Variants in AMELX observed in about 807,000 individuals in gnomAD.
AMELX encodes amelogenin, X isoform.
Under a neutral mutation model 15.8 loss-of-function variants are expected in AMELX, and 9 were observed. The ratio of observed to expected loss-of-function variants is 0.57; its 90% CI spans 0.34 to 0.99. AMELX has a LOEUF of 0.99. Among genes scored for constraint, AMELX ranks in the 50% least tolerant of loss-of-function variants. The pLI is 0.02. For missense variants in AMELX, 107 were observed against 156.2 expected, an observed-to-expected ratio of 0.68 and a Z score of 1.68; for synonymous variants, 61 against 58.8, an observed-to-expected ratio of 1.04 and a Z score of -0.17.
In AMELX at chrX:11,298,662, G is replaced by T; in HGVS notation, c.259G>T (p.Val87Leu). ...HTLQPHHHIPVVPAQQPVIPQ... is the reference protein window; with the variant it reads ...HTLQPHHHIPLVPAQQPVIPQ... ...CCTGCAGCCTCATCACCACATCCCA[G>T]TGGTGCCAGCTCAGCAGCCCGTGAT... Residue 87 changes from valine (V) to leucine (L), a missense_variant, in exon 5 of 6, where the codon GTG becomes TTG. Transcript: ENST00000380714. The T allele has an allele frequency of 8.3e-7, 1 of 1,210,957 alleles. No individual in the cohort carries two copies. The highest frequency in any genetic ancestry group is 1.1e-6 in the Non-Finnish European group (1 of 895,389).
Position 11,294,857 on chromosome X carries a change from C to T in AMELX, c.54+15C>T, listed in dbSNP as rs1441776000. On this transcript the variant is annotated intron_variant, in intron 2 of 5. Transcript: ENST00000380714. ...TTGCCATGCCTGTGAGTAAAACACC[C>T]CTTGCATAAGTCAGTGTCCAATTTC... is the stretch of plus-strand genomic sequence containing the variant. 2 of 1,207,753 alleles carry T rather than the reference C, an allele frequency of 1.7e-6. No individual in the cohort carries two copies. The highest frequency in any genetic ancestry group is 1.8e-5 in the African/African-American group (1 of 57,070).
chrX:11,294,577 C>T (rs1419334873), intron 1 of AMELX, among the ~76,000 whole-genome samples, 200 bp from the exon 2 acceptor site: 1 of 112,198 alleles, frequency 8.9e-6, no homozygotes, highest in Non-Finnish European at 1.9e-5. Context: ...TTAAATGCAT[C>T]TTTATCACTA....
At chrX:11,309,242 T>C in the AMELX span, among the ~76,000 whole-genome samples, 3 of 111,754 alleles carry the variant, frequency 2.7e-5, no homozygotes, top group Admixed American at 1.9e-4. Context: ...CGTATCTTCT[T>C]ACCTCTCCAG....
At chrX:11,306,105 C>A in the AMELX span, among the ~76,000 whole-genome samples, 4 of 111,718 alleles carry the variant, frequency 3.6e-5, no homozygotes, top group Admixed American at 3.8e-4. Flanking sequence ...TCTTCTCTCA[C>A]TGCTCTACGT....
At chrX:11,299,084 T>C in intron 5 of AMELX, 111 bp downstream of exon 5, 1 of 936,294 alleles carries the variant, frequency 1.1e-6, no homozygotes. Flanking sequence ...TTGTAGTAGT[T>C]ACAGGTCTAT....
At chrX:11,300,216 T>G (rs764950545) in intron 5 of AMELX, among the ~76,000 whole-genome samples, 3 of 111,989 alleles carry the variant, frequency 2.7e-5, no homozygotes, top group South Asian at 3.7e-4. Context: ...AAGGTGACTT[T>G]GGGCAGATAG....
At chrX:11,300,320 G>A (rs758319461) in intron 5 of AMELX, among the ~76,000 whole-genome samples, 31 of 111,435 alleles carry the variant, frequency 2.8e-4, no homozygotes, top group African/African-American at 9.1e-4. Flanking sequence ...ACAAAATAGC[G>A]TGATAAGCTT....
intron 3 of AMELX, among the ~76,000 whole-genome samples, chrX:11,297,321 G>A (rs1490783178): frequency 1.8e-5 from 2 of 111,779 alleles, no homozygotes; most frequent in African/African-American, 3.3e-5. Flanking sequence ...AGTTTTGGAC[G>A]TCGGGTTTGA....
At chrX:11,302,020 G>A (rs1206699267), downstream of AMELX, among the ~76,000 whole-genome samples, 1 of 112,327 alleles carries the variant, frequency 8.9e-6, no homozygotes, top group Admixed American at 9.4e-5. Context: ...ACAGAGGAAT[G>A]TTTCAAACCA....
At chrX:11,307,349 C>T in the AMELX span, among the ~76,000 whole-genome samples, 1 of 111,157 alleles carries the variant, frequency 9.0e-6, no homozygotes, top group Non-Finnish European at 1.9e-5. Flanking sequence ...ACTCTCTCTA[C>T]CTGGCATCTA....
chrX:11,302,007 A>C (rs969262273), downstream of AMELX, among the ~76,000 whole-genome samples: 1 of 112,401 alleles, frequency 8.9e-6, no homozygotes, highest in Non-Finnish European at 1.9e-5. Context: ...GTAGTGTGAT[A>C]ATACAGAGGA....
chrX:11,297,850 A>G (rs2048111776), intron 3 of AMELX, among the ~76,000 whole-genome samples: 1 of 112,379 alleles, frequency 8.9e-6, no homozygotes. Context: ...TTATTATGTC[A>G]TAATTTTGTG....
chrX:11,294,733 G>A, intron 1 of AMELX, 44 bp from the exon 2 acceptor site: 3 of 1,149,714 alleles, frequency 2.6e-6, no homozygotes, highest in Non-Finnish European at 3.6e-6. Flanking sequence ...TTACATCCAT[G>A]TTTCAGAAGA....
chrX:11,294,537 C>A (rs1569289551), intron 1 of AMELX, among the ~76,000 whole-genome samples: 1 of 111,748 alleles, frequency 8.9e-6, no homozygotes, highest in African/African-American at 3.3e-5. Flanking sequence ...TCATTCATGT[C>A]CCTGTAACTT....
chrX:11,306,223 C>A, the AMELX span, among the ~76,000 whole-genome samples: 1 of 112,446 alleles, frequency 8.9e-6, no homozygotes, highest in Non-Finnish European at 1.9e-5. Flanking sequence ...CTTCTAGAAA[C>A]CTCTCTCGCT....
the AMELX span, among the ~76,000 whole-genome samples, chrX:11,308,913 C>A: frequency 0.32 from 35,505 of 110,879 alleles, 4,839 homozygotes; most frequent in African/African-American, 0.51. Context: ...TAAAAATATA[C>A]ACGTCTTGGC....
At chrX:11,301,162 G>T (rs760816970), downstream of AMELX, among the ~76,000 whole-genome samples, 1 of 80,918 alleles carries the variant, frequency 1.2e-5, no homozygotes, top group South Asian at 7.8e-4. Context: ...ATCAAAATCT[G>T]GTCTTTTGAT....
downstream of AMELX, among the ~76,000 whole-genome samples, chrX:11,304,777 C>CTTTTTTTTTTTTTTTTTTTT (rs953912280): frequency 9.9e-5 from 5 of 50,308 alleles, 1 homozygote; most frequent in Admixed American, 2.1e-4. Context: ...CTTTCTTTTA[C>CTTTTTTTTTTTTTTTTTTTT]TTTTTTTTTT....
At chrX:11,304,379 C>CTGTA (rs2048210729), downstream of AMELX, among the ~76,000 whole-genome samples, 1 of 111,451 alleles carries the variant, frequency 9.0e-6, no homozygotes. Context: ...TGTGAGCCAC[C>CTGTA]ATGCCCGGCC....
Sources: gnomAD v4.1 joint callset for allele counts (sites outside exome capture counted in the v4.1 genomes callset) on GRCh38, gnomAD v4.1.1 for gene constraint, MANE v1.5 for transcripts, NCBI Gene and HGNC (gene_info 2026-07-23, HGNC 2026-07-21) for gene names.